The following DSCAM variants were observed in gnomAD, a reference collection of about 807,000 sequenced individuals.
DSCAM encodes the protein DS cell adhesion molecule, also known as cell adhesion molecule DSCAM.
A neutral mutation model predicts 217.7 loss-of-function variants in DSCAM; 47 were observed. The ratio of observed to expected loss-of-function variants is 0.22; its 90% CI spans 0.17 to 0.28. The LOEUF is 0.28. Among genes scored for constraint, DSCAM ranks in the 10% least tolerant of loss-of-function variants. The pLI, the probability that DSCAM is intolerant of heterozygous loss-of-function variation, is 1.00. For synonymous variants in DSCAM, 1,056 were observed against 1,015.3 expected, an observed-to-expected ratio of 1.04 and a Z score of -0.76; for missense variants, 2,080 against 2,618.3, an observed-to-expected ratio of 0.79 and a Z score of 4.49.
At chr21:40,283,874 G>A (rs1002798591) in intron 10 of DSCAM, among the ~76,000 whole-genome samples, 3 of 152,336 alleles carry the variant, frequency 2.0e-5, no homozygotes, top group East Asian at 1.9e-4. Context: ...CTTGTAGGGT[G>A]AAATAAGACT....
intron 3 of DSCAM, among the ~76,000 whole-genome samples, chr21:40,422,906 C>T (rs1451510623): frequency 6.6e-6 from 1 of 152,096 alleles, no homozygotes; most frequent in Non-Finnish European, 1.5e-5. Flanking sequence ...AATACTATTG[C>T]CTAATAAGGT....
chr21:40,284,865 G>A (rs1054341942), intron 10 of DSCAM, among the ~76,000 whole-genome samples: 10 of 152,156 alleles, frequency 6.6e-5, no homozygotes, highest in African/African-American at 2.4e-4. Context: ...TGTGTCCACT[G>A]TGCAATCCAG....
intron 1 of DSCAM, among the ~76,000 whole-genome samples, chr21:40,721,171 CTG>C (rs1028551658): frequency 1.3e-5 from 2 of 152,158 alleles, no homozygotes; most frequent in Non-Finnish European, 2.9e-5. Flanking sequence ...AGGGAACAAA[CTG>C]AGTCTAAGTA....
chr21:40,659,789 G>A (rs1568968581), intron 3 of DSCAM, among the ~76,000 whole-genome samples: 1 of 152,216 alleles, frequency 6.6e-6, no homozygotes, highest in Non-Finnish European at 1.5e-5. Flanking sequence ...AAGCATGGCT[G>A]TGTGCCAGGG....
intron 1 of DSCAM, among the ~76,000 whole-genome samples, chr21:40,742,647 G>C (rs934447896): frequency 6.6e-6 from 1 of 152,222 alleles, no homozygotes; most frequent in Non-Finnish European, 1.5e-5. Flanking sequence ...AGAAAACAGA[G>C]TAGAGGTTTG....
chr21:40,743,861 G>A (rs995298982), intron 1 of DSCAM, among the ~76,000 whole-genome samples: 3 of 152,082 alleles, frequency 2.0e-5, no homozygotes, highest in African/African-American at 7.2e-5. Flanking sequence ...AAAAGTAACA[G>A]TAATTATGAA....
intron 11 of DSCAM, among the ~76,000 whole-genome samples, chr21:40,202,161 G>T (rs556033427): frequency 1.6e-4 from 24 of 152,296 alleles, no homozygotes; most frequent in Middle Eastern, 3.4e-3. Flanking sequence ...CCAATAGCCT[G>T]CCAACAACCC....
At chr21:40,703,302 G>A (rs905304305) in intron 2 of DSCAM, among the ~76,000 whole-genome samples, 28 of 152,074 alleles carry the variant, frequency 1.8e-4, no homozygotes, top group African/African-American at 6.0e-4. Context: ...AACTTCTTGA[G>A]CCCAGGAGTT....
At chr21:40,490,521 T>C (rs1252382864) in intron 3 of DSCAM, among the ~76,000 whole-genome samples, 1 of 152,094 alleles carries the variant, frequency 6.6e-6, no homozygotes, top group African/African-American at 2.4e-5. Flanking sequence ...TAAGGGTATG[T>C]GAGAGGAAGG....
At chr21:40,139,455 G>C (rs1438980428) in intron 18 of DSCAM, among the ~76,000 whole-genome samples, 1 of 152,024 alleles carries the variant, frequency 6.6e-6, no homozygotes, top group Non-Finnish European at 1.5e-5. Context: ...AGGTAGGTGA[G>C]AGGGGAAGGG....
At position 40,822,650 on chromosome 21, in the gene DSCAM, C is replaced by T. The variant is rs138320719; in HGVS notation, c.43+23969G>A. Among the ~76,000 whole-genome samples, 19 of 152,182 alleles carry T rather than the reference C, an allele frequency of 1.2e-4. No individual in the cohort carries two copies. In the East Asian group the frequency reaches 2.9e-3, roughly 23 times the overall value. ...GGTGAGTTTACACTGGTTTCATCTT[C>T]GGTCATTAATAACATTAGTAACATT... On this transcript the variant is annotated intron_variant, in intron 1 of 32. Transcript: ENST00000400454.
chr21:40,378,155 A>G (rs2074981557), intron 3 of DSCAM, among the ~76,000 whole-genome samples: 1 of 152,234 alleles, frequency 6.6e-6, no homozygotes. Flanking sequence ...ATCTAGGATT[A>G]GTCAACTTAA....
chr21:40,538,343 C>T (rs1189950313), intron 3 of DSCAM, among the ~76,000 whole-genome samples: 1 of 152,166 alleles, frequency 6.6e-6, no homozygotes, highest in Non-Finnish European at 1.5e-5. Context: ...CTAAGCAGGC[C>T]CATCACGCTG....
intron 1 of DSCAM, among the ~76,000 whole-genome samples, chr21:40,734,687 A>G (rs1259382248): frequency 4.9e-4 from 75 of 152,350 alleles, no homozygotes; most frequent in African/African-American, 1.8e-3. Context: ...CCATCCCACC[A>G]TTCCAGCCAG....
intron 3 of DSCAM, among the ~76,000 whole-genome samples, chr21:40,422,938 G>A (rs370684598): frequency 1.3e-5 from 2 of 152,036 alleles, no homozygotes; most frequent in Non-Finnish European, 2.9e-5. Flanking sequence ...TAATTATAAC[G>A]ACACAATTTT....
chr21:40,086,249 G>A (rs2089530538), intron 22 of DSCAM, among the ~76,000 whole-genome samples: 1 of 152,230 alleles, frequency 6.6e-6, no homozygotes, highest in Admixed American at 6.5e-5. Context: ...TCAAGAGGGT[G>A]ATGAGTTTAC....
intron 32 of DSCAM, among the ~76,000 whole-genome samples, chr21:40,041,423 A>C (rs1046895146): frequency 1.3e-5 from 2 of 152,222 alleles, no homozygotes; most frequent in African/African-American, 4.8e-5. Flanking sequence ...CCAAGCCAAC[A>C]CTAAAAAGCT....
chr21:40,314,071 CA>C (rs1383460177), intron 8 of DSCAM, among the ~76,000 whole-genome samples: 2 of 152,184 alleles, frequency 1.3e-5, no homozygotes, highest in African/African-American at 4.8e-5. Context: ...ATGTGTGTGG[CA>C]GCAGTGAACG....
intron 3 of DSCAM, among the ~76,000 whole-genome samples, chr21:40,584,905 G>C (rs567727181): frequency 6.6e-6 from 1 of 152,188 alleles, no homozygotes; most frequent in Non-Finnish European, 1.5e-5. Context: ...TGGGTCATAA[G>C]CGTGGATCCT....
Sources: gnomAD v4.1 joint callset for allele counts (sites outside exome capture counted in the v4.1 genomes callset) on GRCh38, gnomAD v4.1.1 for gene constraint, MANE v1.5 for transcripts, NCBI Gene and HGNC (gene_info 2026-07-23, HGNC 2026-07-21) for gene names.